The following WIF1 variants were observed in gnomAD, a reference collection of about 807,000 sequenced individuals.
WIF1 encodes the protein Wnt inhibitory factor 1.
Under a neutral mutation model 53.5 loss-of-function variants are expected in WIF1, and 35 were observed. The ratio of observed to expected loss-of-function variants is 0.65; its 90% CI spans 0.50 to 0.87. The LOEUF (loss-of-function observed/expected upper bound fraction) is 0.87. Ranked by LOEUF, WIF1 falls within the 40% of genes least tolerant of loss-of-function variation. The probability of loss-of-function intolerance (pLI) is 0.00; values close to 1 mark genes in which losing one functional copy is unlikely to be tolerated. For synonymous variants in WIF1, 171 were observed against 170.4 expected (o/e 1.00, Z -0.03); for missense variants, 467 against 476.8 (o/e 0.98, Z 0.19).
chr12:65,104,935 A>G (rs1184683591), intron 2 of WIF1, among the ~76,000 whole-genome samples: 1 of 152,230 alleles, frequency 6.6e-6, no homozygotes, highest in Non-Finnish European at 1.5e-5. Flanking sequence ...GCAAAGCTGA[A>G]TATATGAAGT....
intron 5 of WIF1, among the ~76,000 whole-genome samples, chr12:65,067,473 T>C (rs1284211443): frequency 6.6e-6 from 1 of 152,158 alleles, no homozygotes; most frequent in Non-Finnish European, 1.5e-5. Flanking sequence ...AAAATTTTCA[T>C]AAGATTATGC....
In WIF1 at chr12:65,120,415, AC is replaced by A; in HGVS notation, c.288+1del. 6.2e-7 allele frequency: 1 copy of A among 1,613,358 alleles called. No individual in the cohort carries two copies. Among genetic ancestry groups the A allele is most frequent in the Non-Finnish European group, 8.5e-7 (1 of 1,179,740 alleles). ...TTAAAGGGTAATTTTCTCAGAACTT[AC>A]CTGCCCTGCAGCTTGCCAGGTAAAA... On this transcript the variant is annotated splice_donor_variant, in intron 2 of 9. Transcript: ENST00000286574. LOFTEE classifies it high-confidence loss of function.
chr12:65,105,317 C>A (rs962763270), intron 2 of WIF1, among the ~76,000 whole-genome samples: 1 of 152,052 alleles, frequency 6.6e-6, no homozygotes, highest in Non-Finnish European at 1.5e-5. Context: ...AAGGACCAGG[C>A]CTGATTTCTA....
At chr12:65,078,010 T>G (rs1176113522) in intron 2 of WIF1, among the ~76,000 whole-genome samples, 156 bp from the exon 3 acceptor site, 1 of 152,094 alleles carries the variant, frequency 6.6e-6, no homozygotes, top group East Asian at 1.9e-4. Flanking sequence ...CAACTCACCC[T>G]TCTGTGTTAG....
intron 2 of WIF1, among the ~76,000 whole-genome samples, chr12:65,086,589 C>T (rs1883041436): frequency 6.6e-6 from 1 of 152,024 alleles, no homozygotes; most frequent in African/African-American, 2.4e-5. Context: ...AATGATGATT[C>T]CAGAGCATGG....
At chr12:65,083,792 C>CTTTCT (rs752738991) in intron 2 of WIF1, 31 of 296,236 alleles carry the variant, frequency 1.0e-4, no homozygotes, top group Non-Finnish European at 1.7e-4. Context: ...CTTTCCTTTC[C>CTTTCT]TTTCCTTTCC....
intron 2 of WIF1, among the ~76,000 whole-genome samples, chr12:65,096,615 T>A (rs1320397700): frequency 6.6e-6 from 1 of 152,068 alleles, no homozygotes; most frequent in Non-Finnish European, 1.5e-5. Context: ...TGTAACCAAC[T>A]CAAATGCCCA....
chr12:65,058,852 C>T (rs1882568603), intron 7 of WIF1, among the ~76,000 whole-genome samples: 3 of 152,164 alleles, frequency 2.0e-5, no homozygotes. Flanking sequence ...GAGTTCAAGA[C>T]TAGCCTGGCC....
chr12:65,095,769 T>C (rs1278185058), intron 2 of WIF1: 1 of 152,144 alleles, frequency 6.6e-6, no homozygotes, highest in Admixed American at 6.6e-5. Context: ...CGGCAGCACA[T>C]ATACTAAAAT....
chr12:65,079,215 A>G (rs1399753608), intron 2 of WIF1, among the ~76,000 whole-genome samples: 2 of 151,238 alleles, frequency 1.3e-5, no homozygotes, highest in Non-Finnish European at 2.9e-5. Context: ...GAGATGCTAT[A>G]GACATTTAAG....
chr12:65,096,422 G>A (rs570731453), intron 2 of WIF1, among the ~76,000 whole-genome samples: 12 of 152,202 alleles, frequency 7.9e-5, no homozygotes, highest in Non-Finnish European at 1.5e-4. Context: ...TGGTGGGAGT[G>A]TAAATTAGTT....
intron 9 of WIF1, among the ~76,000 whole-genome samples, chr12:65,054,590 TA>T (rs1882495730): frequency 6.6e-6 from 1 of 152,228 alleles, no homozygotes; most frequent in South Asian, 2.1e-4. Flanking sequence ...GACAGCTTTA[TA>T]AACCTTTTCT....
At chr12:65,092,824 C>A (rs1883146341) in intron 2 of WIF1, among the ~76,000 whole-genome samples, 1 of 151,950 alleles carries the variant, frequency 6.6e-6, no homozygotes, top group South Asian at 2.1e-4. Flanking sequence ...AGAGGAGGAA[C>A]CCGAGACAGA....
intron 7 of WIF1, 110 bp from the exon 8 acceptor site, chr12:65,056,236 G>A (rs1173588419): frequency 2.1e-6 from 2 of 941,280 alleles, no homozygotes; most frequent in East Asian, 2.6e-5. Context: ...CTTTTAAATG[G>A]CAATTTTCAT....
chr12:65,053,203 C>A (rs1300569142), intron 9 of WIF1, among the ~76,000 whole-genome samples: 1 of 152,164 alleles, frequency 6.6e-6, no homozygotes, highest in Non-Finnish European at 1.5e-5. Flanking sequence ...GTGTGAGAAG[C>A]AATTTTCCAG....
At chr12:65,093,614 T>C (rs1445523626) in intron 2 of WIF1, among the ~76,000 whole-genome samples, 1 of 152,062 alleles carries the variant, frequency 6.6e-6, no homozygotes, top group Non-Finnish European at 1.5e-5. Context: ...TAAATGGTTA[T>C]AAAACAAATG....
intron 2 of WIF1, among the ~76,000 whole-genome samples, chr12:65,110,290 A>G (rs932602368): frequency 8.2e-6 from 1 of 121,438 alleles, no homozygotes. Flanking sequence ...TCCTTTCCAC[A>G]CAACAAGCCC....
chr12:65,069,042 G>C, intron 3 of WIF1, 138 bp from the exon 4 acceptor site: 2 of 895,362 alleles, frequency 2.2e-6, no homozygotes, highest in Middle Eastern at 3.2e-4. Flanking sequence ...CTCCACTGGA[G>C]TAGGAACTGT....
At chr12:65,077,935 GGGGC>G in intron 2 of WIF1, 81 bp from the exon 3 acceptor site, 1 of 1,058,656 alleles carries the variant, frequency 9.4e-7, no homozygotes, top group Admixed American at 2.0e-5. Context: ...TCCATCTGAT[GGGGC>G]AGAGATAATT....
Sources: gnomAD v4.1 joint callset for allele counts (sites outside exome capture counted in the v4.1 genomes callset) on GRCh38, gnomAD v4.1.1 for gene constraint, MANE v1.5 for transcripts, NCBI Gene and HGNC (gene_info 2026-07-23, HGNC 2026-07-21) for gene names.